Variants in TNFRSF11A observed in about 807,000 individuals in gnomAD.
TNFRSF11A encodes the protein tumor necrosis factor receptor superfamily member 11A.
A neutral mutation model predicts 55.7 loss-of-function variants in TNFRSF11A; 32 were observed. The observed-to-expected ratio is 0.57, with a 90% CI of 0.43 to 0.77. The LOEUF (loss-of-function observed/expected upper bound fraction) is 0.77. TNFRSF11A is among the 30% of genes least tolerant of loss of function. The pLI is 0.00. For missense variants in TNFRSF11A, 753 were observed against 809.8 expected (o/e 0.93, Z 0.85); for synonymous variants, 311 against 331.0 (o/e 0.94, Z 0.65).
At position 62,385,201 on chromosome 18, in the gene TNFRSF11A, G is replaced by C; in HGVS notation, c.*167G>C. 1 of 773,202 alleles carries C rather than the reference G, an allele frequency of 1.3e-6. No homozygotes were observed. The highest frequency in any genetic ancestry group is 1.9e-6 in the Non-Finnish European group (1 of 537,246). 47.9% of individuals were successfully genotyped at this position (773,202 alleles called of 1,614,324 possible). On this transcript the variant is annotated 3_prime_UTR_variant, in exon 10 of 10. Coordinates refer to ENST00000586569, the MANE Select transcript of TNFRSF11A (RefSeq NM_003839.4). Reference sequence around the variant, plus strand: ...TTCCAGGAAATGGGCTTTTCAGGAAGTGAATTGATGAGGACTGTCCCCATG... The same window carrying C: ...TTCCAGGAAATGGGCTTTTCAGGAACTGAATTGATGAGGACTGTCCCCATG...
intron 9 of TNFRSF11A, among the ~76,000 whole-genome samples, chr18:62,376,698 A>G (rs922154404): frequency 6.6e-6 from 1 of 152,140 alleles, no homozygotes. Context: ...CCTACAGGGT[A>G]GTTTCACTGC....
chr18:62,334,377 C>T (rs377197051), intron 1 of TNFRSF11A, among the ~76,000 whole-genome samples: 4 of 152,210 alleles, frequency 2.6e-5, no homozygotes, highest in African/African-American at 9.6e-5. Context: ...TAGACTATAC[C>T]GTACCACTGT....
chr18:62,380,450 T>G (rs140300991), intron 9 of TNFRSF11A, among the ~76,000 whole-genome samples: 1 of 150,456 alleles, frequency 6.6e-6, no homozygotes, highest in Non-Finnish European at 1.5e-5. Context: ...TTTTTTTTTT[T>G]TTTTTTGAGA....
At position 62,386,942 on chromosome 18, in the gene TNFRSF11A, T is replaced by G. The variant is rs993985244; in HGVS notation, c.*1908T>G. 16 of 152,210 alleles carry G rather than the reference T, an allele frequency of 1.1e-4. No individual in the cohort carries two copies. The highest frequency in any genetic ancestry group is 3.9e-4 in the African/African-American group (16 of 41,448). The allele number at this position is 152,210 out of a possible 1,614,324, so 9.4% of individuals were successfully genotyped here. A position where few individuals can be genotyped will look rare whatever the true frequency, so the allele number is the denominator to read the frequency against. On this transcript the variant is annotated 3_prime_UTR_variant, in exon 10 of 10. Transcript: ENST00000586569. ...CAAATGGAGGAAACCATTATACCTTTTGATATGGAATATATTACAGAGTTA... is the reference window on the plus strand; with the variant it reads ...CAAATGGAGGAAACCATTATACCTTGTGATATGGAATATATTACAGAGTTA...
chr18:62,358,354 A>C lies in TNFRSF11A; in HGVS notation c.521+13A>C. ...GACCCTGGACCAAGTAAGTAACAAC[A>C]AAGGAGTCAGAAGAGATGGTTGGTT... On this transcript the variant is annotated intron_variant, in intron 5 of 9. Coordinates refer to ENST00000586569, the MANE Select transcript of TNFRSF11A (RefSeq NM_003839.4). The C allele has an allele frequency of 6.2e-7, 1 of 1,612,124 alleles. No individual in the cohort carries two copies. The highest frequency in any genetic ancestry group is 8.5e-7 in the Non-Finnish European group (1 of 1,178,494).
At chr18:62,350,608 T>G (rs2046453659) in intron 3 of TNFRSF11A, among the ~76,000 whole-genome samples, 1 of 152,116 alleles carries the variant, frequency 6.6e-6, no homozygotes, top group South Asian at 2.1e-4. Context: ...CTTTAAAGAT[T>G]GAGAAACGGA....
At chr18:62,342,962 A>G (rs527533962) in intron 1 of TNFRSF11A, among the ~76,000 whole-genome samples, 1 of 152,348 alleles carries the variant, frequency 6.6e-6, no homozygotes, top group South Asian at 2.1e-4. Context: ...TTATTTAAAG[A>G]AGCTCTTTTA....
At chr18:62,328,108 C>T (rs774162116) in intron 1 of TNFRSF11A, among the ~76,000 whole-genome samples, 15 of 152,208 alleles carry the variant, frequency 9.9e-5, no homozygotes, top group Non-Finnish European at 1.5e-4. Context: ...AAGGGGAAGG[C>T]GCATGGGTCA....
At chr18:62,368,612 T>C (rs1910271217) in intron 8 of TNFRSF11A, 89 bp from the exon 9 acceptor site, 2 of 1,339,904 alleles carry the variant, frequency 1.5e-6, no homozygotes, top group African/African-American at 2.9e-5. Context: ...AAATAATCAG[T>C]GTAAACACTG....
chr18:62,329,855 C>T (rs1447737415), intron 1 of TNFRSF11A, among the ~76,000 whole-genome samples: 1 of 152,194 alleles, frequency 6.6e-6, no homozygotes, highest in Non-Finnish European at 1.5e-5. Context: ...GCTGTTCTCA[C>T]TGTGTCACGT....
chr18:62,354,656 G>A, intron 4 of TNFRSF11A, 122 bp downstream of exon 4: 1 of 1,435,968 alleles, frequency 7.0e-7, no homozygotes, highest in Admixed American at 1.9e-5. Flanking sequence ...AGGAACCTGA[G>A]GGATGGGGAA....
intron 9 of TNFRSF11A, among the ~76,000 whole-genome samples, chr18:62,380,212 C>A (rs1426619064): frequency 6.6e-6 from 1 of 152,196 alleles, no homozygotes; most frequent in East Asian, 1.9e-4. Flanking sequence ...TAAGAATTGC[C>A]ACGTATTGTG....
chr18:62,363,464 G>A (rs1404441875), intron 7 of TNFRSF11A, among the ~76,000 whole-genome samples: 1 of 148,610 alleles, frequency 6.7e-6, no homozygotes, highest in Non-Finnish European at 1.5e-5. Flanking sequence ...CGCCTCCTGG[G>A]TTGCAGCGAT....
intron 1 of TNFRSF11A, among the ~76,000 whole-genome samples, chr18:62,339,322 C>T (rs1343669993): frequency 2.0e-5 from 3 of 152,168 alleles, no homozygotes; most frequent in Admixed American, 6.5e-5. Flanking sequence ...ATCCTTCTGT[C>T]TCTGCCCCGC....
intron 1 of TNFRSF11A, among the ~76,000 whole-genome samples, chr18:62,341,192 ACT>A: frequency 6.6e-6 from 1 of 152,356 alleles, no homozygotes; most frequent in South Asian, 2.1e-4. Flanking sequence ...GGCTCGTGGA[ACT>A]GACTGAACCC....
At position 62,350,038 on chromosome 18, in the gene TNFRSF11A, G is replaced by A. The variant is rs1600377534; in HGVS notation, c.283+101G>A. The A allele has an allele frequency of 5.9e-6, 9 of 1,534,174 alleles. No homozygotes were observed. The East Asian group carries it at 2.1e-4, about 35-fold the overall frequency. On this transcript the variant is annotated intron_variant, in intron 3 of 9. Transcript: ENST00000586569. Reference sequence around the variant, plus strand: ...AGGCAGCCAATGATGTTTCGTTTCAGGAACATGAAAGGAAGTTGTGACTAC... The same window carrying A: ...AGGCAGCCAATGATGTTTCGTTTCAAGAACATGAAAGGAAGTTGTGACTAC...
At chr18:62,349,219 C>T (rs1347156781) in intron 2 of TNFRSF11A, among the ~76,000 whole-genome samples, 2 of 150,744 alleles carry the variant, frequency 1.3e-5, no homozygotes, top group African/African-American at 2.4e-5. Flanking sequence ...CTCTGTTGCC[C>T]AGGCTGGAGT....
intron 6 of TNFRSF11A, among the ~76,000 whole-genome samples, chr18:62,360,931 C>G (rs4442919): frequency 0.13 from 19,626 of 152,122 alleles, 1,386 homozygotes; most frequent in East Asian, 0.3. Flanking sequence ...GGTTAACAAG[C>G]TTTGACCAAG....
intron 9 of TNFRSF11A, among the ~76,000 whole-genome samples, chr18:62,372,027 C>T (rs180830716): frequency 5.1e-4 from 78 of 152,204 alleles, no homozygotes; most frequent in East Asian, 2.7e-3. Flanking sequence ...GGGACTTTTC[C>T]TTTAGGGAAG....
Sources: allele counts gnomAD v4.1 joint callset (sites outside exome capture counted in the v4.1 genomes callset), GRCh38; gene constraint gnomAD v4.1.1; transcripts MANE v1.5; gene names NCBI Gene and HGNC (gene_info 2026-07-23, HGNC 2026-07-21).